The following PCDHA9 variants were observed in gnomAD, a reference collection of about 807,000 sequenced individuals.
The protein encoded by PCDHA9 is protocadherin alpha-9.
PCDHA9 carries 62 observed loss-of-function variants against 62.0 expected under a neutral mutation model. The ratio of observed to expected loss-of-function variants is 1.00; its 90% CI spans 0.81 to 1.23. The LOEUF is 1.23. Among genes scored for constraint, PCDHA9 ranks in the 50% most tolerant of loss-of-function variants. The pLI is 0.00. For missense variants in PCDHA9, 1,205 were observed against 1,249.8 expected, an observed-to-expected ratio of 0.96 and a Z score of 0.54; for synonymous variants, 557 against 567.6, an observed-to-expected ratio of 0.98 and a Z score of 0.27.
chr5:140,883,290 T>C, intron 1 of PCDHA9: 1 of 1,614,060 alleles, frequency 6.2e-7, no homozygotes, highest in South Asian at 1.1e-5. Context: ...GTGGAAGTAC[T>C]AGATGTAAAT....
chr5:140,952,712 C>A (rs567610262), intron 1 of PCDHA9, among the ~76,000 whole-genome samples: 3 of 152,298 alleles, frequency 2.0e-5, no homozygotes, highest in Middle Eastern at 3.4e-3. Context: ...CTCTCAGTAT[C>A]AATTTTCTGT....
At chr5:140,897,580 G>A (rs1420816335) in intron 1 of PCDHA9, among the ~76,000 whole-genome samples, 1 of 151,964 alleles carries the variant, frequency 6.6e-6, no homozygotes, top group African/African-American at 2.4e-5. Flanking sequence ...TCTTAATCCA[G>A]TCTGTCATTG....
At chr5:140,908,384 C>T (rs573373685) in intron 1 of PCDHA9, among the ~76,000 whole-genome samples, 2 of 152,172 alleles carry the variant, frequency 1.3e-5, no homozygotes, top group African/African-American at 2.4e-5. Flanking sequence ...TGCTCGAGCC[C>T]GATCACATAT....
chr5:140,857,243 A>G (rs2044443964), intron 1 of PCDHA9: 1 of 1,598,366 alleles, frequency 6.3e-7, no homozygotes, highest in African/African-American at 1.3e-5. Flanking sequence ...GCTGGTGTCC[A>G]CCTACAAGAA....
intron 1 of PCDHA9, among the ~76,000 whole-genome samples, chr5:140,893,161 G>A (rs2063850346): frequency 6.6e-6 from 1 of 152,160 alleles, no homozygotes; most frequent in African/African-American, 2.4e-5. Context: ...TGGATATTGA[G>A]GTTGATTCCA....
intron 1 of PCDHA9, among the ~76,000 whole-genome samples, chr5:140,973,003 C>T (rs1417207719): frequency 4.0e-5 from 6 of 151,856 alleles, no homozygotes; most frequent in African/African-American, 7.3e-5. Flanking sequence ...CATTTGTGGT[C>T]GTGGTGTTGT....
At chr5:140,928,350 T>A in intron 1 of PCDHA9, 1 of 1,614,098 alleles carries the variant, frequency 6.2e-7, no homozygotes, top group Non-Finnish European at 8.5e-7. Context: ...AGCTGTTGGA[T>A]GTTATCTCTG....
intron 1 of PCDHA9, among the ~76,000 whole-genome samples, chr5:140,926,054 T>A (rs1018660828): frequency 6.6e-6 from 1 of 152,182 alleles, no homozygotes; most frequent in African/African-American, 2.4e-5. Flanking sequence ...CCCAACCTTC[T>A]TCCCCTCCTT....
chr5:140,953,467 C>T (rs952334269), intron 1 of PCDHA9, among the ~76,000 whole-genome samples: 1 of 152,090 alleles, frequency 6.6e-6, no homozygotes, highest in African/African-American at 2.4e-5. Context: ...AGAGTTTTAA[C>T]TTCCTCATGC....
intron 1 of PCDHA9, chr5:140,876,687 C>CA (rs2056504367): frequency 1.2e-6 from 2 of 1,614,212 alleles, no homozygotes; most frequent in Non-Finnish European, 1.7e-6. Context: ...AGAATTACTA[C>CA]TCGTTGGTGC....
intron 1 of PCDHA9, chr5:140,884,593 C>A: frequency 6.2e-7 from 1 of 1,614,162 alleles, no homozygotes; most frequent in Non-Finnish European, 8.5e-7. Flanking sequence ...TCAGTCCCAG[C>A]CTTCCTCCTT....
At chr5:140,852,242 C>T (rs1581273178) in intron 1 of PCDHA9, 1 of 575,754 alleles carries the variant, frequency 1.7e-6, no homozygotes, top group East Asian at 1.4e-4. Context: ...TCCCTTAAAA[C>T]ACACTTTTGG....
intron 1 of PCDHA9, among the ~76,000 whole-genome samples, chr5:140,918,027 G>A (rs782291548): frequency 8.5e-5 from 13 of 152,226 alleles, no homozygotes; most frequent in African/African-American, 1.9e-4. Context: ...ACCCATGAGC[G>A]TGGAAGGTCT....
intron 1 of PCDHA9, chr5:140,870,402 T>A (rs782585618): frequency 3.7e-6 from 6 of 1,614,230 alleles, no homozygotes; most frequent in Middle Eastern, 1.6e-4. Context: ...GTTCGCCTTC[T>A]CTGTGGGCCA....
Position 140,849,547 on chromosome 5 carries a change from C to G in PCDHA9, c.1052C>G (p.Thr351Ser), listed in dbSNP as rs2150440099. Residue 351 changes from threonine (T) to serine (S), a missense_variant, in exon 1 of 4, where the codon ACT becomes AGT. Transcript: ENST00000532602. ...VDVNDNAPQLTIKTLSVPVKE... is the reference protein window; with the variant it reads ...VDVNDNAPQLSIKTLSVPVKE... ...GTAAATGACAATGCTCCACAGTTGA[C>G]TATCAAAACGCTCTCGGTTCCTGTA... 5.0e-6 allele frequency: 8 copies of G among 1,598,384 alleles called. No individual in the cohort carries two copies. The South Asian group carries it at 8.8e-5, about 18-fold the overall frequency.
intron 1 of PCDHA9, chr5:140,866,095 A>G (rs1475761817): frequency 6.6e-6 from 1 of 152,152 alleles, no homozygotes; most frequent in East Asian, 1.9e-4. Flanking sequence ...TGTAATTGTT[A>G]AGTAATTAAG....
chr5:140,877,338 C>G (rs1554169617), intron 1 of PCDHA9: 2 of 1,614,012 alleles, frequency 1.2e-6, no homozygotes, highest in South Asian at 2.2e-5. Flanking sequence ...ACATCCCGTT[C>G]CACGTGGGGC....
Position 140,849,469 on chromosome 5 carries a change from A to T in PCDHA9, c.974A>T (p.Lys325Ile). The T allele has an allele frequency of 6.3e-7, 1 of 1,589,622 alleles. No individual in the cohort carries two copies. The change falls in exon 1 of 4, where the codon AAA (lysine) becomes ATA (isoleucine). Residue 325 changes from lysine (K) to isoleucine (I), a missense_variant. Lys to Ile is a moderately radical substitution (Grantham distance 102, BLOSUM62 -3). This residue lies in a region of PCDHA9 where 110 missense variants were observed against 227.2 expected (regional missense o/e 0.48). Transcript: ENST00000532602. ...AHKIPVEAVD[K>I]GFPPLAGHCT... ...AAGATCCCAGTCGAGGCTGTCGATA[A>T]AGGCTTCCCACCCCTGGCTGGTCAT...
intron 1 of PCDHA9, among the ~76,000 whole-genome samples, chr5:140,974,053 T>C (rs529581642): frequency 6.6e-6 from 1 of 152,346 alleles, no homozygotes; most frequent in African/African-American, 2.4e-5. Flanking sequence ...TATGATAATA[T>C]TTGGAGCAGT....
Sources: allele counts gnomAD v4.1 joint callset (sites outside exome capture counted in the v4.1 genomes callset), GRCh38; gene constraint gnomAD v4.1.1; regional missense constraint gnomAD v4.1.1; transcripts MANE v1.5; gene names NCBI Gene and HGNC (gene_info 2026-07-23, HGNC 2026-07-21).